The following MYO1F variants were observed in gnomAD, a reference collection of about 807,000 sequenced individuals.
MYO1F encodes unconventional myosin-If.
MYO1F carries 60 observed loss-of-function variants against 146.6 expected under a neutral mutation model. That is an observed-to-expected ratio of 0.41 (90% CI 0.33 to 0.51). The LOEUF (loss-of-function observed/expected upper bound fraction) is 0.51, where lower values mean the gene tolerates loss of function less well. MYO1F is among the 20% of genes least tolerant of loss of function. The pLI, the probability that MYO1F is intolerant of heterozygous loss-of-function variation, is 0.25. For missense variants in MYO1F, 1,274 were observed against 1,534.3 expected (o/e 0.83, Z 2.83); for synonymous variants, 602 against 602.1 (o/e 1.00, Z 0.00).
At chr19:8,554,870 T>C in intron 2 of MYO1F, 127 bp from the exon 3 acceptor site, 1 of 895,464 alleles carries the variant, frequency 1.1e-6, no homozygotes, top group Non-Finnish European at 1.8e-6. Flanking sequence ...AGATAATGGA[T>C]GCACCTCGAG....
intron 1 of MYO1F, among the ~76,000 whole-genome samples, chr19:8,568,422 CAAAAAAAA>C (rs55833513): frequency 1.5e-5 from 1 of 66,462 alleles, no homozygotes; most frequent in Non-Finnish European, 2.5e-5. Context: ...GACTCCGTCT[CAAAAAAAA>C]AAAAAAAAAA....
chr19:8,540,304 C>T (rs988397170), intron 15 of MYO1F: 1 of 356,414 alleles, frequency 2.8e-6, no homozygotes, highest in Non-Finnish European at 5.0e-6. Flanking sequence ...GTATTGAATG[C>T]CACTGAATTG....
chr19:8,528,436 G>A (rs1428946619), intron 21 of MYO1F, among the ~76,000 whole-genome samples: 1 of 151,878 alleles, frequency 6.6e-6, no homozygotes, highest in Non-Finnish European at 1.5e-5. Flanking sequence ...GCTGAGGCAG[G>A]AGAATTGCTT....
rs895532930 is a variant in MYO1F, at chr19:8,521,468, C to T, written c.*60G>A. ...GGCTCTCATTGGCAGGGCCTGGCTCCCCACCAGGCCGGCAGGCAGATAGGC... is the reference window on the plus strand; with the variant it reads ...GGCTCTCATTGGCAGGGCCTGGCTCTCCACCAGGCCGGCAGGCAGATAGGC... On this transcript the variant is annotated 3_prime_UTR_variant, in exon 28 of 28. Coordinates refer to ENST00000644032, the MANE Select transcript of MYO1F (RefSeq NM_012335.4). 3.2e-6 allele frequency: 5 copies of T among 1,554,722 alleles called. No individual in the cohort carries two copies. The highest frequency in any genetic ancestry group is 4.4e-6 in the Non-Finnish European group (5 of 1,130,516).
chr19:8,558,689 A>G (rs114092933), intron 1 of MYO1F, among the ~76,000 whole-genome samples: 2,656 of 152,142 alleles, frequency 0.017, 83 homozygotes, highest in African/African-American at 0.061. Flanking sequence ...GAGCTACCCC[A>G]TTTGGTGAAC....
In MYO1F at chr19:8,545,667, G is replaced by C. The variant is rs1303293073; in HGVS notation, c.1339C>G (p.Leu447Val). Reference protein sequence around the residue: ...QYFNNKVVCDLIENKLSPPGI... With the variant: ...QYFNNKVVCDVIENKLSPPGI... ...GCCCTCACCAGCTTGTTTTCGATGA[G>C]GTCACAGACGACCTTGTTGTTGAAG... The change falls in exon 13 of 28, where the codon CTC becomes GTC. Residue 447 changes from leucine to valine, a missense_variant. Coordinates refer to ENST00000644032, the MANE Select transcript of MYO1F (RefSeq NM_012335.4). The C allele has an allele frequency of 1.9e-6, 3 of 1,613,904 alleles. No homozygotes were observed. The highest frequency in any genetic ancestry group is 2.5e-6 in the Non-Finnish European group (3 of 1,179,946).
intron 1 of MYO1F, among the ~76,000 whole-genome samples, chr19:8,564,769 G>GT (rs751322202): frequency 0.021 from 3,055 of 147,138 alleles, 53 homozygotes; most frequent in Middle Eastern, 0.034. Context: ...CGTGTTTCCT[G>GT]TTTTTTTTTT....
chr19:8,526,495 T>A lies in MYO1F; in HGVS notation c.2728A>T (p.Thr910Ser). Residue 910 changes from threonine (T) to serine (S), a missense_variant, in exon 24 of 28, where the codon ACC becomes TCC. Thr to Ser is a moderately conservative substitution (Grantham distance 58). This residue lies in a region of MYO1F where 374 missense variants were observed against 379.2 expected (regional missense o/e 0.99). Coordinates refer to ENST00000644032, the MANE Select transcript of MYO1F (RefSeq NM_012335.4). ...DLAVLKVGGR[T>S]LTVSVGDGLP... ...CCATCGCCCACGCTGACCGTGAGGG[T>A]CCGACCGCCAACCTTGAGCACTGCC... is the stretch of plus-strand genomic sequence containing the variant. 1 of 1,572,142 alleles carries A rather than the reference T, an allele frequency of 6.4e-7. No homozygotes were observed. Among genetic ancestry groups the A allele is most frequent in the Non-Finnish European group, 8.6e-7 (1 of 1,159,468 alleles).
chr19:8,562,631 C>A (rs544994802), intron 1 of MYO1F, among the ~76,000 whole-genome samples: 1 of 151,038 alleles, frequency 6.6e-6, no homozygotes, highest in Admixed American at 6.6e-5. Flanking sequence ...GACGTCCAGG[C>A]TCAAGTGATC....
In MYO1F at chr19:8,522,934, C is replaced by G. The variant is rs1599903272; in HGVS notation, c.2855-105G>C. On this transcript the variant is annotated intron_variant, in intron 25 of 27. Coordinates refer to ENST00000644032, the MANE Select transcript of MYO1F (RefSeq NM_012335.4). ...GGCTGAGGGAGGAGACTGCGACACT[C>G]TCAACCCAGTGTGGTAAGGATTGGG... 3 of 1,005,630 alleles carry G rather than the reference C, an allele frequency of 3.0e-6. No homozygotes were observed. The African/African-American group carries it at 4.7e-5, about 16-fold the overall frequency. The allele number at this position is 1,005,630 out of a possible 1,614,324, so 62.3% of individuals were successfully genotyped here. A position where few individuals can be genotyped will look rare whatever the true frequency, so the allele number is the denominator to read the frequency against.
chr19:8,569,455 A>G (rs1279629196), intron 1 of MYO1F, among the ~76,000 whole-genome samples: 1 of 152,002 alleles, frequency 6.6e-6, no homozygotes, highest in African/African-American at 2.4e-5. Flanking sequence ...GTATCACACC[A>G]GGGAGGGGCT....
Position 8,536,984 on chromosome 19 carries a change from G to A in MYO1F, c.1764C>T (p.Asn588=), listed in dbSNP as rs755866113. 18 of 1,613,406 alleles carry A rather than the reference G, an allele frequency of 1.1e-5. No individual in the cohort carries two copies. Among genetic ancestry groups the A allele is most frequent in the Admixed American group, 3.3e-5 (2 of 59,922 alleles). ...TPHYIRCIKP[N]ETKRPRDWEE... Reference sequence around the variant, plus strand: ...CCCAGTCTCGGGGCCTCTTGGTCTCGTTGGGTTTGATGCAGCGGATGTAGT... The same window carrying A: ...CCCAGTCTCGGGGCCTCTTGGTCTCATTGGGTTTGATGCAGCGGATGTAGT... Residue 588 remains asparagine, a synonymous_variant, in exon 17 of 28, where the codon AAC becomes AAT. Transcript: ENST00000644032.
At chr19:8,543,939 CTGG>C (rs1338466296) in intron 14 of MYO1F, 6 of 50,548 alleles carry the variant, frequency 1.2e-4, no homozygotes, top group East Asian at 6.4e-4. Context: ...GGTGGTGGTG[CTGG>C]TGGTGCTGGT....
Position 8,526,434 on chromosome 19 carries a change from T to A in MYO1F, c.2770+19A>T. 6.4e-7 allele frequency: 1 copy of A among 1,551,074 alleles called. No homozygotes were observed. On this transcript the variant is annotated intron_variant, in intron 24 of 27. Coordinates refer to ENST00000644032, the MANE Select transcript of MYO1F (RefSeq NM_012335.4). Reference sequence around the variant, plus strand: ...CTCGCTGGCCCCGCCCCCTCTGCCCTAGTTCCGCGCAGACTCACTGGAGCT... The same window carrying A: ...CTCGCTGGCCCCGCCCCCTCTGCCCAAGTTCCGCGCAGACTCACTGGAGCT...
intron 26 of MYO1F, 28 bp from the exon 27 acceptor site, chr19:8,522,574 G>T: frequency 6.2e-7 from 1 of 1,607,748 alleles, no homozygotes; most frequent in African/African-American, 1.3e-5. Context: ...TTGAGTCACA[G>T]CCCCAGACAC....
intron 19 of MYO1F, 62 bp downstream of exon 19, chr19:8,536,190 C>A (rs1972701510): frequency 2.6e-6 from 4 of 1,541,726 alleles, no homozygotes; most frequent in Non-Finnish European, 2.7e-6. Context: ...TCTCTCAGTC[C>A]CTCTCTATAC....
chr19:8,534,317 CT>C (rs1972614268), intron 19 of MYO1F, among the ~76,000 whole-genome samples: 1 of 151,250 alleles, frequency 6.6e-6, no homozygotes, highest in South Asian at 2.1e-4. Flanking sequence ...CTTTTCTTTT[CT>C]TTTCTTTTTT....
chr19:8,553,914 T>TCTCTCTCTCTCTCTCG (rs1178542513), intron 4 of MYO1F, among the ~76,000 whole-genome samples: 34 of 135,766 alleles, frequency 2.5e-4, no homozygotes, highest in African/African-American at 8.3e-4. Flanking sequence ...TCTCTCTCTC[T>TCTCTCTCTCTCTCTCG]CTCTCTCTCG....
intron 1 of MYO1F, among the ~76,000 whole-genome samples, chr19:8,573,954 C>T (rs922360194): frequency 3.3e-5 from 5 of 152,162 alleles, no homozygotes; most frequent in African/African-American, 1.2e-4. Context: ...CTATCCTGTT[C>T]AAAACCCAAC....
Sources: gnomAD v4.1 joint callset for allele counts (sites outside exome capture counted in the v4.1 genomes callset) on GRCh38, gnomAD v4.1.1 for gene constraint, gnomAD v4.1.1 regional missense constraint, MANE v1.5 for transcripts, NCBI Gene and HGNC (gene_info 2026-07-23, HGNC 2026-07-21) for gene names.